Variants in NIPSNAP2 observed in about 807,000 individuals in gnomAD.
NIPSNAP2 encodes protein NipSnap homolog 2.
A neutral mutation model predicts 48.4 loss-of-function variants in NIPSNAP2; 42 were observed. The observed-to-expected ratio is 0.87, with a 90% confidence interval of 0.68 to 1.12. The LOEUF (loss-of-function observed/expected upper bound fraction) is 1.12, where lower values mean the gene tolerates loss of function less well. Among genes scored for constraint, NIPSNAP2 ranks in the 50% most tolerant of loss-of-function variants. NIPSNAP2 has a pLI of 0.00. For synonymous variants in NIPSNAP2, 158 were observed against 126.6 expected, an observed-to-expected ratio of 1.25 and a Z score of -1.67; for missense variants, 314 against 347.3, an observed-to-expected ratio of 0.90 and a Z score of 0.76.
In NIPSNAP2 at chr7:55,996,412, TTTCAAC is replaced by T. The variant is rs1157306692; in HGVS notation, c.713-947_713-942del. Among the ~76,000 whole-genome samples, 24 of 152,202 alleles carry T rather than the reference TTTCAAC, an allele frequency of 1.6e-4. No homozygotes were observed. In the East Asian group the frequency reaches 4.6e-3, roughly 29 times the overall value. ...CCTATTCCTACGTCAGTGATGTCCT[TTTCAAC>T]TTCAACACCCACCTGGTCAGCTTGC... is the stretch of plus-strand genomic sequence containing the variant. On this transcript the variant is annotated intron_variant, in intron 8 of 9. Coordinates refer to ENST00000322090, the MANE Select transcript of NIPSNAP2 (RefSeq NM_001483.3).
In NIPSNAP2 at chr7:55,983,748, G is replaced by A. The variant is rs773513938; in HGVS notation, c.465G>A (p.Lys155=). 6.2e-7 allele frequency: 1 copy of A among 1,613,966 alleles called. No individual in the cohort carries two copies. ...CAAAGGAATTTTTGGAATTTCGTAA[G>A]GCAAGAAGTGACATGCTTCTCTCCA... ...RENKEFLEFR[K]ARSDMLLSRK... is the part of the protein sequence containing the mutation. The change falls in exon 6 of 10, where the codon AAG becomes AAA. Residue 155 remains lysine (K), a synonymous_variant. Coordinates refer to ENST00000322090, the MANE Select transcript of NIPSNAP2 (RefSeq NM_001483.3).
intron 7 of NIPSNAP2, among the ~76,000 whole-genome samples, chr7:55,988,531 G>T (rs1387151544): frequency 1.3e-5 from 2 of 152,072 alleles, no homozygotes; most frequent in Admixed American, 1.3e-4. Flanking sequence ...GTAAAATGGT[G>T]CAGCCACTTT....
intron 7 of NIPSNAP2, among the ~76,000 whole-genome samples, chr7:55,985,745 CAAAAAAAAAA>C (rs11290048): frequency 1.1e-5 from 1 of 89,676 alleles, no homozygotes; most frequent in African/African-American, 4.6e-5. Flanking sequence ...GACCCTGTCT[CAAAAAAAAAA>C]AAAAAAAAAA....
chr7:55,975,262 G>A (rs1787086435), intron 1 of NIPSNAP2, among the ~76,000 whole-genome samples: 1 of 151,650 alleles, frequency 6.6e-6, no homozygotes. Flanking sequence ...CTGAGGTGGG[G>A]GAATCGTTTG....
At chr7:55,982,669 G>A (rs900363796) in intron 5 of NIPSNAP2, among the ~76,000 whole-genome samples, 3 of 150,552 alleles carry the variant, frequency 2.0e-5, no homozygotes, top group South Asian at 2.1e-4. Context: ...GGAGAATGGC[G>A]TGAACCCGGG....
intron 3 of NIPSNAP2, chr7:55,980,795 A>G (rs1787198686): frequency 6.6e-6 from 1 of 151,930 alleles, no homozygotes; most frequent in Non-Finnish European, 1.5e-5. Flanking sequence ...ACTACGTGAC[A>G]CCCCTCCCAT....
Position 55,971,096 on chromosome 7 carries a change from A to C in NIPSNAP2, c.92+6395A>C, listed in dbSNP as rs77975265. ...TAGTGCACCCTTCCTTATCCTCTGG[A>C]AAGTGCCCCCTACCATCTTGGCGAT... is the stretch of plus-strand genomic sequence containing the variant. On this transcript the variant is annotated intron_variant, in intron 1 of 9. Coordinates refer to ENST00000322090, the MANE Select transcript of NIPSNAP2 (RefSeq NM_001483.3). 5.4e-3 allele frequency among the ~76,000 whole-genome samples: 822 copies of C among 152,260 alleles called. 8 individuals are homozygous for C. Among genetic ancestry groups the C allele is most frequent in the African/African-American group, 0.019 (782 of 41,548 alleles).
intron 7 of NIPSNAP2, among the ~76,000 whole-genome samples, chr7:55,988,770 C>T (rs1270411894): frequency 1.3e-5 from 2 of 152,118 alleles, no homozygotes; most frequent in East Asian, 3.9e-4. Flanking sequence ...GAGGCTGAGG[C>T]AGGAGAATCG....
At chr7:55,970,618 T>G (rs1009017812) in intron 1 of NIPSNAP2, among the ~76,000 whole-genome samples, 3 of 152,016 alleles carry the variant, frequency 2.0e-5, no homozygotes, top group African/African-American at 4.8e-5. Context: ...GTCCGACACT[T>G]ATATTTTTTT....
At chr7:55,986,469 C>A (rs530262268) in intron 7 of NIPSNAP2, among the ~76,000 whole-genome samples, 2 of 152,194 alleles carry the variant, frequency 1.3e-5, no homozygotes, top group East Asian at 3.9e-4. Flanking sequence ...TGAGACCAGC[C>A]TGACCAACTT....
chr7:55,990,149 A>G lies in NIPSNAP2; in HGVS notation c.618-4745A>G, dbSNP rs150210263. The stretch of plus-strand genomic sequence containing the variant: ...CTAAAATAATCTGAAGCATACATCT[A>G]TATCTAATTCAACAAAAGATTTATA... On this transcript the variant is annotated intron_variant, in intron 7 of 9. Coordinates refer to ENST00000322090, the MANE Select transcript of NIPSNAP2 (RefSeq NM_001483.3). 3.9e-4 allele frequency among the ~76,000 whole-genome samples: 60 copies of G among 152,110 alleles called. 1 individual carries two copies. In the East Asian group the frequency reaches 0.011, roughly 27 times the overall value.
intron 2 of NIPSNAP2, 37 bp from the exon 3 acceptor site, chr7:55,978,313 G>T (rs770651596): frequency 2.0e-5 from 32 of 1,612,786 alleles, no homozygotes; most frequent in Non-Finnish European, 2.7e-5. Flanking sequence ...TTTCCCCTTT[G>T]TTCCTAAGTT....
chr7:55,966,525 G>A (rs898610306), intron 1 of NIPSNAP2, among the ~76,000 whole-genome samples: 13 of 152,182 alleles, frequency 8.5e-5, no homozygotes, highest in African/African-American at 2.9e-4. Context: ...GGCTCAGGCT[G>A]TAATCCCAGC....
chr7:55,980,418 C>CAGA (rs1341993179), intron 3 of NIPSNAP2: 16 of 152,494 alleles, frequency 1.0e-4, no homozygotes, highest in African/African-American at 3.9e-4. Context: ...ACCCTTGGTC[C>CAGA]TGTAGCCCCA....
chr7:55,973,013 G>A (rs1469866923), intron 1 of NIPSNAP2, among the ~76,000 whole-genome samples: 2 of 152,092 alleles, frequency 1.3e-5, no homozygotes, highest in African/African-American at 4.8e-5. Context: ...GGTTGAGACA[G>A]GAGGATAGCT....
intron 1 of NIPSNAP2, among the ~76,000 whole-genome samples, chr7:55,969,241 C>A (rs1045920789): frequency 2.6e-5 from 4 of 151,926 alleles, no homozygotes; most frequent in African/African-American, 9.7e-5. Flanking sequence ...AGACGGGGTA[C>A]TGGGGCTGGA....
intron 7 of NIPSNAP2, among the ~76,000 whole-genome samples, chr7:55,988,901 A>G (rs1787388195): frequency 6.6e-6 from 1 of 152,092 alleles, no homozygotes; most frequent in South Asian, 2.1e-4. Flanking sequence ...TGACCCAGCA[A>G]TTTCATTCCT....
At chr7:55,983,908 T>TG (rs1185029341) in intron 6 of NIPSNAP2, 40 bp downstream of exon 6, 1 of 1,588,710 alleles carries the variant, frequency 6.3e-7, no homozygotes, top group African/African-American at 1.3e-5. Context: ...TACTCCTCTG[T>TG]GAAAAAGCAC....
chr7:55,974,673 C>A (rs1256074183), intron 1 of NIPSNAP2, among the ~76,000 whole-genome samples: 1 of 151,654 alleles, frequency 6.6e-6, no homozygotes, highest in Non-Finnish European at 1.5e-5. Flanking sequence ...ACGGTGAAAC[C>A]CCATCTCTAC....
Sources: gnomAD v4.1 joint callset for allele counts (sites outside exome capture counted in the v4.1 genomes callset) on GRCh38, gnomAD v4.1.1 for gene constraint, MANE v1.5 for transcripts, NCBI Gene and HGNC (gene_info 2026-07-23, HGNC 2026-07-21) for gene names.